Variants in TYR observed in about 807,000 individuals in gnomAD.
TYR encodes the protein LB24-AB.
In TYR, 58 loss-of-function variants were observed where a neutral mutation model predicts 51.5. That is an observed-to-expected ratio of 1.13 (90% CI 0.91 to 1.40). TYR has a LOEUF of 1.40. TYR is among the 40% of genes most tolerant of loss of function. The probability of loss-of-function intolerance (pLI) is 0.00; values close to 1 mark genes in which losing one functional copy is unlikely to be tolerated. For missense variants in TYR, 732 were observed against 647.4 expected (o/e 1.13, Z -1.42); for synonymous variants, 263 against 235.2 (o/e 1.12, Z -1.08).
At position 89,251,008 on chromosome 11, in the gene TYR, A is replaced by T. The variant is rs538783165; in HGVS notation, c.1184+23038A>T. 3.3e-5 allele frequency among the ~76,000 whole-genome samples: 5 copies of T among 152,096 alleles called. No individual in the cohort carries two copies. In the South Asian group the frequency reaches 1.0e-3, roughly 32 times the overall value. On this transcript the variant is annotated intron_variant, in intron 3 of 4. Coordinates refer to ENST00000263321, the MANE Select transcript of TYR (RefSeq NM_000372.5). ...TTTGAAGGGAGCAAGAATTAAGAAA[A>T]TAGTATTTTAGAATTTTTTTTATTT... is the stretch of plus-strand genomic sequence containing the variant.
chr11:89,196,152 A>G (rs540204287), intron 2 of TYR, among the ~76,000 whole-genome samples: 3 of 152,318 alleles, frequency 2.0e-5, no homozygotes, highest in African/African-American at 7.2e-5. Flanking sequence ...GCACAACAGT[A>G]TTGTGTTAAG....
In TYR at chr11:89,178,602, C is replaced by T. The variant is rs63159160; in HGVS notation, c.649C>T (p.Arg217Trp). The change falls in exon 1 of 5, where the codon CGG (arginine) becomes TGG (tryptophan). Residue 217 changes from arginine (R) to tryptophan (W), a missense_variant. Coordinates refer to ENST00000263321, the MANE Select transcript of TYR (RefSeq NM_000372.5). ...GCCTTGGCATAGACTCTTCTTGTTG[C>T]GGTGGGAACAAGAAATCCAGAAGCT... ...FLPWHRLFLLRWEQEIQKLTG... is the reference protein window; with the variant it reads ...FLPWHRLFLLWWEQEIQKLTG... The T allele has an allele frequency of 1.9e-4, 301 of 1,612,466 alleles. No homozygotes were observed. Among genetic ancestry groups the T allele is most frequent in the Middle Eastern group, 1.3e-3 (8 of 6,078 alleles).
At chr11:89,274,499 A>G (rs1309867777) in intron 3 of TYR, among the ~76,000 whole-genome samples, 1 of 151,888 alleles carries the variant, frequency 6.6e-6, no homozygotes, top group East Asian at 1.9e-4. Flanking sequence ...TATAATGGCC[A>G]CAACTAACCT....
chr11:89,295,075 G>A (rs1207950036), intron 4 of TYR, 68 bp from the exon 5 acceptor site: 4 of 1,591,426 alleles, frequency 2.5e-6, no homozygotes. Flanking sequence ...ACTGTGAAAG[G>A]ATGAAGATGA....
intron 3 of TYR, among the ~76,000 whole-genome samples, chr11:89,266,116 G>C (rs1382708567): frequency 6.6e-6 from 1 of 151,964 alleles, no homozygotes; most frequent in African/African-American, 2.4e-5. Flanking sequence ...GTCAGCTTCA[G>C]TTGAATTTGC....
At chr11:89,276,932 G>C (rs1200732892) in intron 3 of TYR, among the ~76,000 whole-genome samples, 1 of 151,710 alleles carries the variant, frequency 6.6e-6, no homozygotes, top group Non-Finnish European at 1.5e-5. Flanking sequence ...ATTTTATTTT[G>C]CCTCTGTAAA....
At chr11:89,261,867 G>GA (rs1944460693) in intron 3 of TYR, among the ~76,000 whole-genome samples, 1 of 150,430 alleles carries the variant, frequency 6.6e-6, no homozygotes, top group African/African-American at 2.4e-5. Context: ...AACCACAATG[G>GA]AAAAAAAATA....
chr11:89,204,554 C>T (rs1943646403), intron 2 of TYR, among the ~76,000 whole-genome samples: 2 of 151,638 alleles, frequency 1.3e-5, no homozygotes, highest in African/African-American at 4.9e-5. Context: ...ACCAACAAGC[C>T]CGGCTAATTT....
chr11:89,226,367 T>C (rs1202808326), intron 2 of TYR, among the ~76,000 whole-genome samples: 3 of 152,136 alleles, frequency 2.0e-5, no homozygotes, highest in African/African-American at 7.2e-5. Context: ...CTTCTAAATG[T>C]CACATAAAAT....
At chr11:89,238,362 T>C (rs1217638658) in intron 3 of TYR, among the ~76,000 whole-genome samples, 1 of 152,166 alleles carries the variant, frequency 6.6e-6, no homozygotes, top group Non-Finnish European at 1.5e-5. Flanking sequence ...CTATTGTAAA[T>C]TGATTGTTTC....
chr11:89,230,549 A>G (rs750637033), intron 3 of TYR, among the ~76,000 whole-genome samples: 13 of 152,226 alleles, frequency 8.5e-5, no homozygotes, highest in Non-Finnish European at 1.6e-4. Flanking sequence ...TTCAAACTAA[A>G]AATCTCCAAG....
intron 2 of TYR, among the ~76,000 whole-genome samples, chr11:89,192,274 G>T (rs1420500401): frequency 6.6e-6 from 1 of 151,730 alleles, no homozygotes; most frequent in Non-Finnish European, 1.5e-5. Flanking sequence ...ATTTGCATTA[G>T]GAAAACAAAA....
At chr11:89,251,824 C>A (rs1458958818) in intron 3 of TYR, among the ~76,000 whole-genome samples, 1 of 151,712 alleles carries the variant, frequency 6.6e-6, no homozygotes, top group Non-Finnish European at 1.5e-5. Context: ...ACCAATGATC[C>A]CTGTTCTGTG....
At chr11:89,288,968 A>G (rs976073612) in intron 4 of TYR, among the ~76,000 whole-genome samples, 1 of 152,014 alleles carries the variant, frequency 6.6e-6, no homozygotes, top group African/African-American at 2.4e-5. Flanking sequence ...TAATTACTTA[A>G]GTGGTTTCTG....
chr11:89,215,685 A>G (rs901800490), intron 2 of TYR, among the ~76,000 whole-genome samples: 1 of 152,178 alleles, frequency 6.6e-6, no homozygotes, highest in Non-Finnish European at 1.5e-5. Context: ...GCACAGATAT[A>G]TTGCACAGTG....
chr11:89,263,327 C>G (rs1944485454), intron 3 of TYR, among the ~76,000 whole-genome samples: 1 of 151,466 alleles, frequency 6.6e-6, no homozygotes, highest in African/African-American at 2.4e-5. Flanking sequence ...ATGCATCAAG[C>G]TAGGAATAAA....
intron 4 of TYR, among the ~76,000 whole-genome samples, chr11:89,290,641 A>G (rs1944843576): frequency 6.6e-6 from 1 of 152,034 alleles, no homozygotes; most frequent in Non-Finnish European, 1.5e-5. Flanking sequence ...TGGCTCACCA[A>G]CAACCTGTCT....
intron 1 of TYR, 96 bp from the exon 2 acceptor site, chr11:89,191,106 G>C: frequency 9.2e-7 from 1 of 1,089,848 alleles, no homozygotes; most frequent in South Asian, 1.3e-5. Context: ...CTCAGGAGAA[G>C]TCTAACAACG....
chr11:89,250,691 T>C (rs1944320499), intron 3 of TYR, among the ~76,000 whole-genome samples: 1 of 151,914 alleles, frequency 6.6e-6, no homozygotes, highest in African/African-American at 2.4e-5. Flanking sequence ...TCCCTGTCTG[T>C]GTGTCTGTGT....
Sources: gnomAD v4.1 joint callset for allele counts (sites outside exome capture counted in the v4.1 genomes callset) on GRCh38, gnomAD v4.1.1 for gene constraint, MANE v1.5 for transcripts, NCBI Gene and HGNC (gene_info 2026-07-23, HGNC 2026-07-21) for gene names.